The following SLC4A4 variants were observed in gnomAD, a reference collection of about 807,000 sequenced individuals.
The protein encoded by SLC4A4 is electrogenic sodium bicarbonate cotransporter 1.
In SLC4A4, 27 loss-of-function variants were observed where a neutral mutation model predicts 111.5. The ratio of observed to expected loss-of-function variants is 0.24; its 90% CI spans 0.18 to 0.33. The LOEUF (loss-of-function observed/expected upper bound fraction) is 0.33. SLC4A4 is among the 10% of genes least tolerant of loss of function. The pLI is 1.00. For synonymous variants in SLC4A4, 443 were observed against 463.4 expected (o/e 0.96, Z 0.57); for missense variants, 909 against 1,315.5 (o/e 0.69, Z 4.78).
At chr4:71,539,660 G>A (rs1249922455) in intron 18 of SLC4A4, among the ~76,000 whole-genome samples, 1 of 151,966 alleles carries the variant, frequency 6.6e-6, no homozygotes, top group Non-Finnish European at 1.5e-5. Context: ...TCTTGTTTTT[G>A]CTCTTAGTAT....
At chr4:71,204,977 A>T (rs1717666858) in intron 1 of SLC4A4, among the ~76,000 whole-genome samples, 1 of 152,232 alleles carries the variant, frequency 6.6e-6, no homozygotes. Context: ...GATTTAACGC[A>T]TACATCCTGA....
At chr4:71,493,654 T>A (rs536415482) in intron 15 of SLC4A4, among the ~76,000 whole-genome samples, 1 of 151,914 alleles carries the variant, frequency 6.6e-6, no homozygotes, top group African/African-American at 2.4e-5. Context: ...TGTCTTTCTC[T>A]CTCTCTCTTT....
chr4:71,341,357 G>GAA (rs1426607434), intron 4 of SLC4A4, among the ~76,000 whole-genome samples: 35 of 152,254 alleles, frequency 2.3e-4, no homozygotes, highest in East Asian at 1.9e-4. Flanking sequence ...AAAGATAGAT[G>GAA]AAAGTCTTCT....
chr4:71,175,637 G>A (rs536607236), intron 2 of SLC4A4, among the ~76,000 whole-genome samples: 102 of 152,324 alleles, frequency 6.7e-4, no homozygotes, highest in African/African-American at 2.4e-3. Flanking sequence ...GGGGAGGGGC[G>A]TCTGCCATTG....
chr4:71,140,425 A>C (rs1028112539), intron 2 of SLC4A4, among the ~76,000 whole-genome samples: 5 of 151,842 alleles, frequency 3.3e-5, no homozygotes, highest in African/African-American at 1.2e-4. Flanking sequence ...TGTTGCAAAA[A>C]CAAAACAAAC....
intron 1 of SLC4A4, among the ~76,000 whole-genome samples, chr4:71,234,495 G>T (rs549524942): frequency 1.3e-5 from 2 of 152,088 alleles, no homozygotes; most frequent in South Asian, 4.2e-4. Context: ...GCGCTATCTC[G>T]GCTCACTGCA....
chr4:71,277,406 G>T (rs1218869566), intron 3 of SLC4A4, among the ~76,000 whole-genome samples: 1 of 151,976 alleles, frequency 6.6e-6, no homozygotes, highest in East Asian at 1.9e-4. Context: ...GTGGTGTTGA[G>T]TATCTTTTTT....
intron 12 of SLC4A4, among the ~76,000 whole-genome samples, chr4:71,466,185 A>G (rs1049004106): frequency 1.3e-5 from 2 of 152,128 alleles, no homozygotes; most frequent in South Asian, 2.1e-4. Context: ...CCTTCTACAC[A>G]CCAGCCATCA....
At position 71,140,188 on chromosome 4, in the gene SLC4A4, G is replaced by A. The variant is rs562040439; in HGVS notation, c.-2+47396G>A. 1.2e-3 allele frequency among the ~76,000 whole-genome samples: 184 copies of A among 152,280 alleles called. 1 individual carries two copies. Among genetic ancestry groups the A allele is most frequent in the African/African-American group, 4.3e-3 (179 of 41,560 alleles). ...TAATCCCGGACCTTTGGGAGACGAA[G>A]GTAGGCAGATGGCTTGAGCTCAGGA... is the stretch of plus-strand genomic sequence containing the variant. On this transcript the variant is annotated intron_variant, in intron 2 of 26. Coordinates refer to the SLC4A4 transcript ENST00000649996.
intron 1 of SLC4A4, among the ~76,000 whole-genome samples, chr4:71,207,960 G>A (rs10006649): frequency 0.68 from 102,728 of 151,992 alleles, 39,954 homozygotes; most frequent in Non-Finnish European, 0.88. Flanking sequence ...CTATAGGCAC[G>A]TGCTACCTTG....
At chr4:71,240,332 T>A (rs1720108565) in intron 2 of SLC4A4, among the ~76,000 whole-genome samples, 2 of 152,176 alleles carry the variant, frequency 1.3e-5, no homozygotes. Context: ...GCTAGGTAAC[T>A]CCCAGCAGGC....
chr4:71,430,779 A>C (rs1341110991), intron 7 of SLC4A4, among the ~76,000 whole-genome samples: 1 of 152,084 alleles, frequency 6.6e-6, no homozygotes, highest in Non-Finnish European at 1.5e-5. Context: ...TGCCCTTTCA[A>C]CACGACGGGG....
chr4:71,379,903 T>G (rs1340186781), intron 6 of SLC4A4, among the ~76,000 whole-genome samples: 1 of 152,102 alleles, frequency 6.6e-6, no homozygotes, highest in Non-Finnish European at 1.5e-5. Context: ...CTTGCATAGA[T>G]TGGGGCTTTT....
chr4:71,166,405 T>C (rs1560754365), intron 2 of SLC4A4, among the ~76,000 whole-genome samples: 1 of 152,224 alleles, frequency 6.6e-6, no homozygotes, highest in Non-Finnish European at 1.5e-5. Flanking sequence ...AAAGACCAAA[T>C]TCTGTTAGTT....
chr4:71,280,226 T>C (rs1293614838), intron 3 of SLC4A4, among the ~76,000 whole-genome samples: 2 of 152,256 alleles, frequency 1.3e-5, no homozygotes. Context: ...TTTTGAGAAA[T>C]ATCTATTCAA....
chr4:71,526,922 T>C (rs1733472071), intron 16 of SLC4A4, among the ~76,000 whole-genome samples: 1 of 152,126 alleles, frequency 6.6e-6, no homozygotes, highest in African/African-American at 2.4e-5. Flanking sequence ...TTTATTATTC[T>C]GACACTGATT....
At chr4:71,412,998 A>C (rs1326049309) in intron 7 of SLC4A4, among the ~76,000 whole-genome samples, 1 of 152,174 alleles carries the variant, frequency 6.6e-6, no homozygotes, top group African/African-American at 2.4e-5. Context: ...ACCATAACCT[A>C]CTGGTGGCTC....
chr4:71,514,766 G>A (rs1732228762), intron 16 of SLC4A4, among the ~76,000 whole-genome samples: 1 of 152,060 alleles, frequency 6.6e-6, no homozygotes. Context: ...AGGTTTTCTA[G>A]TTTATTATTC....
intron 7 of SLC4A4, among the ~76,000 whole-genome samples, chr4:71,403,014 G>T (rs1338289951): frequency 1.3e-5 from 2 of 152,212 alleles, no homozygotes; most frequent in African/African-American, 4.8e-5. Flanking sequence ...AAGAAGGTAT[G>T]TATTTTAAAA....
Sources: allele counts gnomAD v4.1 joint callset (sites outside exome capture counted in the v4.1 genomes callset), GRCh38; gene constraint gnomAD v4.1.1; transcripts MANE v1.5; gene names NCBI Gene and HGNC (gene_info 2026-07-23, HGNC 2026-07-21).